PRKACA: variants seen among roughly 807,000 people sequenced by gnomAD.
The protein encoded by PRKACA is cAMP-dependent protein kinase catalytic subunit alpha.
PRKACA carries 9 observed loss-of-function variants against 45.8 expected under a neutral mutation model. The ratio of observed to expected loss-of-function variants is 0.20; its 90% CI spans 0.12 to 0.34. PRKACA has a LOEUF of 0.34. PRKACA is among the 10% of genes least tolerant of loss of function. The probability of loss-of-function intolerance (pLI) is 1.00; values close to 1 mark genes in which losing one functional copy is unlikely to be tolerated. For missense variants in PRKACA, 238 were observed against 458.6 expected, an observed-to-expected ratio of 0.52 and a Z score of 4.39; for synonymous variants, 160 against 178.6, an observed-to-expected ratio of 0.90 and a Z score of 0.83.
chr19:14,093,048 C>T lies in PRKACA; in HGVS notation c.*64G>A. The T allele has an allele frequency of 1.2e-5, 8 of 686,934 alleles. No individual in the cohort carries two copies. The highest frequency in any genetic ancestry group is 1.9e-5 in the African/African-American group (1 of 52,836). 42.6% of individuals were successfully genotyped at this position (686,934 alleles called of 1,614,324 possible). A position where few individuals can be genotyped will look rare whatever the true frequency, so the allele number is the denominator to read the frequency against. On this transcript the variant is annotated 3_prime_UTR_variant, in exon 10 of 10. Transcript: ENST00000308677. ...CCTCTGGCTGTTCAATCCAACCCTC[C>T]CACCCCCCCGACCAAAAAAAAGAAA...
intron 4 of PRKACA, 27 bp downstream of exon 4, chr19:14,102,789 C>T: frequency 6.3e-7 from 1 of 1,590,432 alleles, no homozygotes; most frequent in South Asian, 1.1e-5. Flanking sequence ...TGCAGTGACC[C>T]CCCGCCCTTG....
intron 1 of PRKACA, among the ~76,000 whole-genome samples, chr19:14,114,581 C>G (rs999383768): frequency 1.3e-5 from 2 of 152,020 alleles, no homozygotes; most frequent in Non-Finnish European, 2.9e-5. Context: ...CTGCCCCTTC[C>G]CCTGTGGGCC....
intron 5 of PRKACA, among the ~76,000 whole-genome samples, chr19:14,099,467 A>T (rs1198985404): frequency 1.3e-5 from 2 of 151,336 alleles, no homozygotes; most frequent in African/African-American, 4.9e-5. Context: ...CATATGTTGA[A>T]CCAGCCTTGC....
chr19:14,102,633 C>T (rs1011636125), intron 4 of PRKACA, among the ~76,000 whole-genome samples, 183 bp downstream of exon 4: 1 of 152,204 alleles, frequency 6.6e-6, no homozygotes, highest in African/African-American at 2.4e-5. Context: ...GGACCAGGAA[C>T]TGAACTTGGG....
intron 9 of PRKACA, 26 bp from the exon 10 acceptor site, chr19:14,093,263 G>A (rs966155511): frequency 1.2e-5 from 20 of 1,603,032 alleles, no homozygotes; most frequent in Non-Finnish European, 1.7e-5. Flanking sequence ...GAATCACCCA[G>A]ACCTCAGCAT....
chr19:14,116,560 G>A (rs1967109449), intron 1 of PRKACA, among the ~76,000 whole-genome samples: 1 of 152,124 alleles, frequency 6.6e-6, no homozygotes, highest in Non-Finnish European at 1.5e-5. Flanking sequence ...CCCAGGGACT[G>A]GGTGAATGAC....
rs575612877 is a variant in PRKACA, at chr19:14,114,235, T to A, written c.46+3267A>T. 8.3e-6 allele frequency: 13 copies of A among 1,565,162 alleles called. No homozygotes were observed. In the South Asian group the frequency reaches 1.4e-4, roughly 17 times the overall value. ...GACCTGCCGTGTCTGTTCGGCTGTCTGTCCCCAGAACCCTGCCTGCAGGGG... is the reference window on the plus strand; with the variant it reads ...GACCTGCCGTGTCTGTTCGGCTGTCAGTCCCCAGAACCCTGCCTGCAGGGG... On this transcript the variant is annotated intron_variant, in intron 1 of 9. Coordinates refer to ENST00000308677, the MANE Select transcript of PRKACA (RefSeq NM_002730.4).
chr19:14,094,624 C>G (rs949053796), intron 8 of PRKACA, among the ~76,000 whole-genome samples: 9 of 152,316 alleles, frequency 5.9e-5, no homozygotes, highest in Non-Finnish European at 1.2e-4. Flanking sequence ...TTGGGTTAAA[C>G]AGCTCTTCCT....
intron 5 of PRKACA, among the ~76,000 whole-genome samples, chr19:14,099,058 G>T (rs1001013911): frequency 1.4e-5 from 2 of 147,728 alleles, no homozygotes; most frequent in African/African-American, 5.1e-5. Flanking sequence ...AGGCCAAGGC[G>T]GGGGGGGCGG....
intron 5 of PRKACA, chr19:14,098,485 T>C (rs1977335456): frequency 6.8e-6 from 1 of 148,000 alleles, no homozygotes; most frequent in Non-Finnish European, 1.5e-5. Context: ...TATATATATA[T>C]ATATTTTTTT....
chr19:14,092,981 G>C lies in PRKACA; in HGVS notation c.*131C>G. On this transcript the variant is annotated 3_prime_UTR_variant, in exon 10 of 10. Transcript: ENST00000308677. ...GCTTCCTGCTCCCCCTAACCCTGGA[G>C]GGTGGGGTGGGGGTGAAATTAGATG... 2.5e-6 allele frequency: 3 copies of C among 1,207,790 alleles called. No individual in the cohort carries two copies. Among genetic ancestry groups the C allele is most frequent in the Non-Finnish European group, 3.3e-6 (3 of 896,908 alleles). 74.8% of individuals were successfully genotyped at this position (1,207,790 alleles called of 1,614,324 possible).
intron 5 of PRKACA, among the ~76,000 whole-genome samples, chr19:14,099,677 C>G (rs1177169481): frequency 6.6e-6 from 1 of 151,020 alleles, no homozygotes; most frequent in East Asian, 1.9e-4. Context: ...AGCAATCTGC[C>G]CACCTTGGCC....
intron 8 of PRKACA, among the ~76,000 whole-genome samples, chr19:14,094,479 G>A (rs572025267): frequency 9.2e-5 from 14 of 152,322 alleles, no homozygotes; most frequent in East Asian, 3.9e-4. Flanking sequence ...GTGAGCCACC[G>A]TGCCTGGCCC....
At chr19:14,098,008 A>G in intron 5 of PRKACA, 118 bp from the exon 6 acceptor site, 1 of 1,330,046 alleles carries the variant, frequency 7.5e-7, no homozygotes, top group South Asian at 1.3e-5. Flanking sequence ...TCAGAAACGC[A>G]AGGCACCTGA....
At chr19:14,115,848 C>T (rs917822524) in intron 1 of PRKACA, among the ~76,000 whole-genome samples, 3 of 152,066 alleles carry the variant, frequency 2.0e-5, no homozygotes, top group African/African-American at 7.3e-5. Context: ...CCCAGCTGGC[C>T]TCACCTGCTG....
At chr19:14,116,360 T>TGAAACAGGTGAAA (rs1491133890) in intron 1 of PRKACA, among the ~76,000 whole-genome samples, 3 of 152,030 alleles carry the variant, frequency 2.0e-5, no homozygotes, top group Non-Finnish European at 2.9e-5. Flanking sequence ...GTGAAACAGG[T>TGAAACAGGTGAAA]CTCTCTCTGG....
At chr19:14,109,640 A>T (rs1395595884) in intron 1 of PRKACA, among the ~76,000 whole-genome samples, 1 of 150,154 alleles carries the variant, frequency 6.7e-6, no homozygotes, top group Non-Finnish European at 1.5e-5. Flanking sequence ...AAAAAAGAAA[A>T]GAAAATATGG....
intron 3 of PRKACA, among the ~76,000 whole-genome samples, chr19:14,106,402 C>T (rs1977603912): frequency 6.6e-6 from 1 of 152,112 alleles, no homozygotes; most frequent in Non-Finnish European, 1.5e-5. Flanking sequence ...GCCTGTAATC[C>T]CAGCACTTTG....
intron 5 of PRKACA, among the ~76,000 whole-genome samples, chr19:14,099,403 C>G (rs923322595): frequency 6.0e-5 from 9 of 150,388 alleles, no homozygotes; most frequent in Non-Finnish European, 1.3e-4. Context: ...GGTTACAACC[C>G]AGTCTGGACT....
Sources: gnomAD v4.1 joint callset for allele counts (sites outside exome capture counted in the v4.1 genomes callset) on GRCh38, gnomAD v4.1.1 for gene constraint, MANE v1.5 for transcripts, NCBI Gene and HGNC (gene_info 2026-07-23, HGNC 2026-07-21) for gene names.